MUSK: variants seen among roughly 807,000 people sequenced by gnomAD.
MUSK encodes muscle, skeletal receptor tyrosine-protein kinase.
Under a neutral mutation model 88.7 loss-of-function variants are expected in MUSK, and 55 were observed. The ratio of observed to expected loss-of-function variants is 0.62; its 90% confidence interval spans 0.50 to 0.78. MUSK has a LOEUF of 0.78. Among genes scored for constraint, MUSK ranks in the 30% least tolerant of loss-of-function variants. The pLI, the probability that MUSK is intolerant of heterozygous loss-of-function variation, is 0.00. For synonymous variants in MUSK, 387 were observed against 391.9 expected (o/e 0.99, Z 0.15); for missense variants, 1,015 against 1,074.3 (o/e 0.94, Z 0.77).
At chr9:110,709,433 A>G (rs2076641096) in intron 5 of MUSK, among the ~76,000 whole-genome samples, 1 of 152,204 alleles carries the variant, frequency 6.6e-6, no homozygotes, top group Non-Finnish European at 1.5e-5. Context: ...TGTAACTTCC[A>G]GTAGGTTACT....
intron 7 of MUSK, among the ~76,000 whole-genome samples, chr9:110,761,051 G>C (rs1588003477): frequency 6.6e-6 from 1 of 152,176 alleles, no homozygotes; most frequent in Admixed American, 6.5e-5. Flanking sequence ...TTCGTAATGA[G>C]GGTTGAGAGG....
intron 5 of MUSK, among the ~76,000 whole-genome samples, chr9:110,732,753 C>T (rs1435232619): frequency 1.3e-5 from 2 of 152,182 alleles, no homozygotes; most frequent in East Asian, 3.9e-4. Context: ...TTTTAATAAT[C>T]TCTTTTTGCC....
chr9:110,673,287 C>T (rs2075984147), intron 1 of MUSK, among the ~76,000 whole-genome samples: 1 of 152,164 alleles, frequency 6.6e-6, no homozygotes, highest in Non-Finnish European at 1.5e-5. Flanking sequence ...CCAACTTTAA[C>T]CCTGAAGTTC....
intron 14 of MUSK, among the ~76,000 whole-genome samples, chr9:110,788,267 T>G (rs1163703554): frequency 6.6e-6 from 1 of 152,196 alleles, no homozygotes; most frequent in East Asian, 1.9e-4. Flanking sequence ...CCCAGATTCA[T>G]AAATTCAACA....
chr9:110,744,318 T>C (rs2077144599), intron 6 of MUSK, among the ~76,000 whole-genome samples: 1 of 152,224 alleles, frequency 6.6e-6, no homozygotes, highest in South Asian at 2.1e-4. Context: ...GCTGGAACTA[T>C]CTGCAAGACA....
chr9:110,770,395 A>G (rs1010836115), intron 9 of MUSK, among the ~76,000 whole-genome samples: 2 of 146,366 alleles, frequency 1.4e-5, no homozygotes, highest in African/African-American at 2.5e-5. Context: ...AAGCTATATA[A>G]TTATATATTA....
chr9:110,748,418 G>C (rs1212789125), intron 7 of MUSK, among the ~76,000 whole-genome samples: 1 of 152,120 alleles, frequency 6.6e-6, no homozygotes, highest in Non-Finnish European at 1.5e-5. Context: ...GCTTCAGCAA[G>C]CCACAGCAGG....
chr9:110,681,024 ATATAT>A (rs1564209320), intron 1 of MUSK, among the ~76,000 whole-genome samples: 1 of 19,596 alleles, frequency 5.1e-5, no homozygotes, highest in South Asian at 8.5e-4. Context: ...AATATATATT[ATATAT>A]TATATATTAT....
chr9:110,738,268 T>G (rs1246713716), intron 6 of MUSK, among the ~76,000 whole-genome samples: 1 of 144,458 alleles, frequency 6.9e-6, no homozygotes, highest in Non-Finnish European at 1.6e-5. Context: ...TATTTATCTT[T>G]TAGGATTTCA....
At chr9:110,708,522 A>C (rs1179628216) in intron 5 of MUSK, among the ~76,000 whole-genome samples, 2 of 152,206 alleles carry the variant, frequency 1.3e-5, no homozygotes, top group African/African-American at 2.4e-5. Context: ...AAAAAATCAC[A>C]AACCTCTGAT....
intron 3 of MUSK, among the ~76,000 whole-genome samples, chr9:110,689,226 T>C (rs1464226366): frequency 2.0e-5 from 1 of 50,736 alleles, no homozygotes; most frequent in African/African-American, 1.7e-4. Flanking sequence ...ATATATAATA[T>C]ATAAATATAT....
intron 13 of MUSK, among the ~76,000 whole-genome samples, chr9:110,786,326 A>AT (rs1347953681): frequency 1.3e-5 from 2 of 150,904 alleles, no homozygotes; most frequent in Non-Finnish European, 3.0e-5. Context: ...AAAAAAAAAA[A>AT]AGAAAAGAAA....
intron 3 of MUSK, among the ~76,000 whole-genome samples, chr9:110,689,341 A>G (rs1368795517): frequency 3.4e-5 from 4 of 118,390 alleles, no homozygotes; most frequent in Admixed American, 9.8e-5. Flanking sequence ...TTTAAATATA[A>G]ATATATAAAT....
At chr9:110,717,597 T>C (rs534483462) in intron 5 of MUSK, among the ~76,000 whole-genome samples, 2 of 150,336 alleles carry the variant, frequency 1.3e-5, no homozygotes, top group East Asian at 3.9e-4. Context: ...GTTTCCAATT[T>C]CTTATTTCTG....
chr9:110,688,945 T>C (rs1289973358), intron 3 of MUSK, among the ~76,000 whole-genome samples: 2 of 145,938 alleles, frequency 1.4e-5, no homozygotes, highest in Non-Finnish European at 3.0e-5. Flanking sequence ...TATGTAAACA[T>C]ATATTTAAAT....
In MUSK at chr9:110,800,368, A is replaced by G; in HGVS notation, c.1990A>G (p.Asn664Asp). The G allele has an allele frequency of 1.2e-6, 2 of 1,613,860 alleles. No individual in the cohort carries two copies. The highest frequency in any genetic ancestry group is 1.7e-6 in the Non-Finnish European group (2 of 1,179,854). ...LFEYMAYGDL[N>D]EFLRSMSPHT... ...TGAATACATGGCCTATGGTGACCTC[A>G]ATGAGTTCCTCCGCAGCATGTCCCC... Residue 664 changes from asparagine to aspartate, a missense_variant, in exon 15 of 15, where the codon AAT becomes GAT. Physicochemically the swap from Asn to Asp is conservative, Grantham distance 23. Transcript: ENST00000374448.
chr9:110,732,938 T>C (rs2076983721), intron 5 of MUSK, among the ~76,000 whole-genome samples: 1 of 152,120 alleles, frequency 6.6e-6, no homozygotes, highest in African/African-American at 2.4e-5. Flanking sequence ...GCAATGCTTT[T>C]TAAGAGGTAC....
chr9:110,724,118 TCTA>T (rs1283735735), intron 5 of MUSK, among the ~76,000 whole-genome samples: 1 of 152,066 alleles, frequency 6.6e-6, no homozygotes, highest in Non-Finnish European at 1.5e-5. Context: ...TTCTAGCATT[TCTA>T]CTATTATATG....
chr9:110,689,500 CATATT>C lies in MUSK; in HGVS notation c.358+2233_358+2237del, dbSNP rs1214768371. On this transcript the variant is annotated intron_variant, in intron 3 of 14. Coordinates refer to ENST00000374448, the MANE Select transcript of MUSK (RefSeq NM_005592.4). ...AAAATATAAAAATATGTAAAAAATA[CATATT>C]TATATATAAATATATACAACTATAT... Among the ~76,000 whole-genome samples the C allele has an allele frequency of 6.5e-3, 606 of 93,074 alleles. 14 individuals carry two copies. Among genetic ancestry groups the C allele is most frequent in the African/African-American group, 0.029 (580 of 19,908 alleles). The allele number at this position is 93,074 out of a possible 152,430, so 61.1% of individuals were successfully genotyped here.
Sources: allele counts gnomAD v4.1 joint callset (sites outside exome capture counted in the v4.1 genomes callset), GRCh38; gene constraint gnomAD v4.1.1; transcripts MANE v1.5; gene names NCBI Gene and HGNC (gene_info 2026-07-23, HGNC 2026-07-21).